The following UNC80 variants were observed in gnomAD, a reference collection of about 807,000 sequenced individuals.
UNC80 encodes unc-80 subunit of NALCN channel complex.
UNC80 carries 164 observed loss-of-function variants against 384.6 expected under a neutral mutation model. The observed-to-expected ratio is 0.43, with a 90% CI of 0.38 to 0.49. UNC80 has a LOEUF of 0.49. Among genes scored for constraint, UNC80 ranks in the 20% least tolerant of loss-of-function variants. The pLI, the probability that UNC80 is intolerant of heterozygous loss-of-function variation, is 0.00. For synonymous variants in UNC80, 1,486 were observed against 1,527.8 expected, an observed-to-expected ratio of 0.97 and a Z score of 0.64; for missense variants, 3,330 against 4,143.0, an observed-to-expected ratio of 0.80 and a Z score of 5.39.
Position 209,786,201 on chromosome 2 carries a change from G to T in UNC80, c.724+12G>T. 6.2e-7 allele frequency: 1 copy of T among 1,612,736 alleles called. No homozygotes were observed. The highest frequency in any genetic ancestry group is 8.5e-7 in the Non-Finnish European group (1 of 1,179,258). Reference sequence around the variant, plus strand: ...GAACATCATTACAGGTTTGTAACTTGGACACTCAGTAGGACAGTATTAGCA... The same window carrying T: ...GAACATCATTACAGGTTTGTAACTTTGACACTCAGTAGGACAGTATTAGCA... On this transcript the variant is annotated intron_variant, in intron 5 of 64. Coordinates refer to ENST00000673920, the MANE Select transcript of UNC80 (RefSeq NM_001371986.1).
At position 209,973,095 on chromosome 2, in the gene UNC80, G is replaced by T; in HGVS notation, c.8412G>T (p.Gln2804His). 6.4e-7 allele frequency: 1 copy of T among 1,551,606 alleles called. No homozygotes were observed. Among genetic ancestry groups the T allele is most frequent in the East Asian group, 2.4e-5 (1 of 40,922 alleles). Residue 2804 changes from glutamine (Q) to histidine (H), a missense_variant, in exon 56 of 65, where the codon CAG (glutamine) becomes CAT (histidine). Physicochemically the swap from Gln to His is conservative, Grantham distance 24 (BLOSUM62 0). Coordinates refer to ENST00000673920, the MANE Select transcript of UNC80 (RefSeq NM_001371986.1). ...CATGGCTGGAGCAGCCTGAGGTGCA[G>T]CTGCTGCTGCAGACAGTCATCAATG... is the stretch of plus-strand genomic sequence containing the variant. The part of the protein sequence containing the change: ...DSPWLEQPEV[Q>H]LLLQTVINVL...
intron 9 of UNC80, 90 bp from the exon 10 acceptor site, chr2:209,816,819 T>G: frequency 1.7e-6 from 2 of 1,183,574 alleles, no homozygotes; most frequent in Non-Finnish European, 2.4e-6. Context: ...ACATTTCTTG[T>G]ATTTTACTGC....
Position 209,815,351 on chromosome 2 carries a change from C to T in UNC80, c.1295C>T (p.Pro432Leu). ...SLTNLRRSAV[P>L]DLSSDLGMNI... The stretch of plus-strand genomic sequence containing the variant: ...ACCAATCTGCGTAGATCTGCAGTCC[C>T]AGATCTTTCTTCAGACCTGGGCATG... Residue 432 changes from proline (P) to leucine (L), a missense_variant, in exon 9 of 65, where the codon CCA (proline) becomes CTA (leucine). By Grantham distance (98) the Pro-to-Leu change is moderately conservative. Coordinates refer to ENST00000673920, the MANE Select transcript of UNC80 (RefSeq NM_001371986.1). 1.3e-6 allele frequency: 2 copies of T among 1,551,654 alleles called. No homozygotes were observed. Among genetic ancestry groups the T allele is most frequent in the East Asian group, 2.4e-5 (1 of 40,914 alleles).
chr2:209,789,579 C>G lies in UNC80; in HGVS notation c.772C>G (p.Pro258Ala). 1 of 1,613,260 alleles carries G rather than the reference C, an allele frequency of 6.2e-7. No homozygotes were observed. The highest frequency in any genetic ancestry group is 1.1e-5 in the South Asian group (1 of 91,028). The change falls in exon 6 of 65, where the codon CCA becomes GCA. Residue 258 changes from proline to alanine, a missense_variant. Physicochemically the swap from Pro to Ala is conservative, Grantham distance 27. Transcript: ENST00000673920. ...INSQSRTCES[P>A]NQDARHLEGL... The stretch of plus-strand genomic sequence containing the variant: ...CAGTCAAAGCCGGACCTGTGAATCA[C>G]CAAATCAAGATGCAAGACACTTAGA...
At position 209,995,699 on chromosome 2, in the gene UNC80, C is replaced by T; in HGVS notation, c.*104C>T. The T allele has an allele frequency of 1.5e-6, 2 of 1,345,628 alleles. No homozygotes were observed. Among genetic ancestry groups the T allele is most frequent in the South Asian group, 1.5e-5 (1 of 66,832 alleles). 83.4% of individuals were successfully genotyped at this position (1,345,628 alleles called of 1,614,324 possible). A position where few individuals can be genotyped will look rare whatever the true frequency, so the allele number is the denominator to read the frequency against. The stretch of plus-strand genomic sequence containing the variant: ...GAAAAAGATTAATTACAAAATAGCA[C>T]TTTACTTCTAATGGGTGGCACAAAT... On this transcript the variant is annotated 3_prime_UTR_variant, in exon 65 of 65. Coordinates refer to ENST00000673920, the MANE Select transcript of UNC80 (RefSeq NM_001371986.1).
In UNC80 at chr2:209,773,123, A is replaced by C; in HGVS notation, c.122A>C (p.Gln41Pro). The part of the protein sequence containing the change: ...SAFLRPKLGK[Q>P]YEASCVSFER... ...TTTTTGAGGCCCAAACTGGGGAAGCAATATGAAGCTTCTTGTGTGGTATGT... is the reference window on the plus strand; with the variant it reads ...TTTTTGAGGCCCAAACTGGGGAAGCCATATGAAGCTTCTTGTGTGGTATGT... Residue 41 changes from glutamine to proline, a missense_variant, in exon 2 of 65, where the codon CAA becomes CCA. Gln to Pro is a moderately conservative substitution (Grantham distance 76). Transcript: ENST00000673920. The C allele has an allele frequency of 6.2e-7, 1 of 1,613,590 alleles. No homozygotes were observed.
chr2:209,901,904 G>A (rs1440995220), intron 28 of UNC80, among the ~76,000 whole-genome samples: 1 of 151,516 alleles, frequency 6.6e-6, no homozygotes, highest in Non-Finnish European at 1.5e-5. Flanking sequence ...ACTCCAGCCT[G>A]GGCAACACAG....
chr2:209,872,908 G>T lies in UNC80; in HGVS notation c.3778G>T (p.Gly1260Cys). Residue 1260 changes from glycine (G) to cysteine (C), a missense_variant, in exon 23 of 65, where the codon GGC becomes TGC. Around this residue, in one of 8 missense-constraint regions of UNC80, gnomAD observed 801 missense variants for 950.8 expected, o/e 0.84. Transcript: ENST00000673920. The surrounding 1 kb of genome is among the most constrained non-coding windows in gnomAD (Gnocchi z 4.1). ...GLSRGRSPIV[G>C]NKRNQKLQWN... The stretch of plus-strand genomic sequence containing the variant: ...TTCCCGGGGACGCTCTCCCATTGTG[G>T]GCAACAAGCGAAACCAGAAGCTGCA... The T allele has an allele frequency of 1.3e-6, 2 of 1,551,548 alleles. No homozygotes were observed. Among genetic ancestry groups the T allele is most frequent in the South Asian group, 2.4e-5 (2 of 84,050 alleles).
At chr2:209,842,489 C>T (rs1264584479) in intron 21 of UNC80, 43 bp downstream of exon 21, 5 of 1,394,976 alleles carry the variant, frequency 3.6e-6, no homozygotes, top group Non-Finnish European at 4.9e-6. Flanking sequence ...ACTTTTATCA[C>T]ACAGAACAAA....
In UNC80 at chr2:209,995,478, T is replaced by A. The variant is rs1275039599; in HGVS notation, c.9858T>A (p.Thr3286=). The A allele has an allele frequency of 1.3e-6, 2 of 1,551,742 alleles. No homozygotes were observed. Among genetic ancestry groups the A allele is most frequent in the Non-Finnish European group, 1.7e-6 (2 of 1,147,038 alleles). ...CCAGCCTCCTACAGCATGGAGACAC[T>A]GTCCTTCATATCAGTGAGGAAAATG... ...ETSSLLQHGD[T]VLHISEENGM... is the part of the protein sequence containing the mutation. The change falls in exon 65 of 65, where the codon ACT becomes ACA. Residue 3286 remains threonine, a synonymous_variant. Coordinates refer to ENST00000673920, the MANE Select transcript of UNC80 (RefSeq NM_001371986.1).
rs1386729697 is a variant in UNC80, at chr2:209,804,757, TTTTTTGTTTTGTTTTG to T, written c.939-8817_939-8802del. 8.9e-3 allele frequency among the ~76,000 whole-genome samples: 425 copies of T among 47,496 alleles called. 2 individuals are homozygous for T. Among genetic ancestry groups the T allele is most frequent in the Middle Eastern group, 0.028 (3 of 108 alleles). 31.2% of individuals were successfully genotyped at this position (47,496 alleles called of 152,430 possible). ...CTCAACATTTAATTTAGAGAGTTTT[TTTTTTGTTTTGTTTTG>T]TTTTTTTTTTGAGACAAAGTCTCGC... On this transcript the variant is annotated intron_variant, in intron 7 of 64. Transcript: ENST00000673920.
chr2:209,959,537 A>G lies in UNC80; in HGVS notation c.7635A>G (p.Glu2545=), dbSNP rs896688013. The change falls in exon 51 of 65, where the codon GAA becomes GAG. Residue 2545 remains glutamate, a synonymous_variant. Transcript: ENST00000673920. ...LEEGQGIPRE[E]LDERIAREEF... ...AAGGGCAAGGCATTCCCAGAGAGGA[A>G]CTGGATGAACGAATTGCTCGGGAAG... The G allele has an allele frequency of 6.4e-7, 1 of 1,551,568 alleles. No homozygotes were observed. Among genetic ancestry groups the G allele is most frequent in the Non-Finnish European group, 8.7e-7 (1 of 1,146,990 alleles).
At chr2:209,833,192 G>A (rs1042456635) in intron 16 of UNC80, among the ~76,000 whole-genome samples, 2 of 150,604 alleles carry the variant, frequency 1.3e-5, no homozygotes, top group Non-Finnish European at 1.5e-5. Context: ...TGTCCCAGTG[G>A]TCTCAGGTTT....
At chr2:209,971,546 T>C (rs1559417332) in intron 54 of UNC80, among the ~76,000 whole-genome samples, 1 of 151,274 alleles carries the variant, frequency 6.6e-6, no homozygotes. Context: ...GGTAAATCAC[T>C]GGAAAGCTCC....
chr2:209,872,269 T>C lies in UNC80; in HGVS notation c.3628-489T>C, dbSNP rs2084367061. The stretch of plus-strand genomic sequence containing the variant: ...GAACCAATTTTACCTCTTTGGAACA[T>C]ATGGATGGTTATAGACAAAAGACTA... On this transcript the variant is annotated intron_variant, in intron 22 of 64. Coordinates refer to ENST00000673920, the MANE Select transcript of UNC80 (RefSeq NM_001371986.1). This position sits in a 1 kb window ranked among gnomAD's most constrained non-coding sequence, Gnocchi z 4.1. Among the ~76,000 whole-genome samples the C allele has an allele frequency of 6.6e-6, 1 of 152,172 alleles. No homozygotes were observed. The highest frequency in any genetic ancestry group is 2.4e-5 in the African/African-American group (1 of 41,450).
chr2:209,813,330 C>A (rs536338216), intron 7 of UNC80, among the ~76,000 whole-genome samples: 1 of 152,328 alleles, frequency 6.6e-6, no homozygotes, highest in Non-Finnish European at 1.5e-5. Context: ...CTCCCTCCTG[C>A]CCAAACCTCA....
intron 11 of UNC80, 73 bp downstream of exon 11, chr2:209,818,025 C>A: frequency 1.3e-6 from 2 of 1,496,398 alleles, no homozygotes; most frequent in Non-Finnish European, 9.0e-7. Context: ...CACCATGTTA[C>A]TTTCCCATTG....
intron 43 of UNC80, among the ~76,000 whole-genome samples, chr2:209,940,778 T>C (rs547804011): frequency 3.8e-4 from 58 of 152,006 alleles, no homozygotes; most frequent in African/African-American, 1.3e-3. Context: ...GATTGCGCCA[T>C]TGCACTCCAG....
intron 23 of UNC80, among the ~76,000 whole-genome samples, chr2:209,874,856 TCTC>T (rs1405355139): frequency 6.6e-6 from 1 of 152,110 alleles, no homozygotes; most frequent in East Asian, 1.9e-4. Context: ...ATAAAACCCT[TCTC>T]CTCAAGTAAA....
Sources: gnomAD v4.1 joint callset for allele counts (sites outside exome capture counted in the v4.1 genomes callset) on GRCh38, gnomAD v4.1.1 for gene constraint, gnomAD v4.1.1 regional missense constraint, Gnocchi (gnomAD v3.1) non-coding constraint, MANE v1.5 for transcripts, NCBI Gene and HGNC (gene_info 2026-07-23, HGNC 2026-07-21) for gene names.